Variants in RGS7 observed in about 807,000 individuals in gnomAD.
The protein encoded by RGS7 is regulator of G protein signaling 7.
RGS7 carries 27 observed loss-of-function variants against 81.1 expected under a neutral mutation model. That is an observed-to-expected ratio of 0.33 (90% confidence interval 0.25 to 0.46). RGS7 has a LOEUF of 0.46. Ranked by LOEUF, RGS7 falls within the 20% of genes least tolerant of loss-of-function variation. The pLI is 1.00. For missense variants in RGS7, 396 were observed against 607.4 expected, an observed-to-expected ratio of 0.65 and a Z score of 3.66; for synonymous variants, 208 against 207.7, an observed-to-expected ratio of 1.00 and a Z score of -0.01.
chr1:241,251,294 G>T (rs1050929920), intron 2 of RGS7, among the ~76,000 whole-genome samples: 5 of 152,050 alleles, frequency 3.3e-5, no homozygotes, highest in African/African-American at 1.2e-4. Context: ...AGACATGATT[G>T]CTCAGATGTC....
intron 2 of RGS7, among the ~76,000 whole-genome samples, chr1:241,180,480 A>C (rs2071525763): frequency 6.6e-6 from 1 of 152,210 alleles, no homozygotes; most frequent in African/African-American, 2.4e-5. Context: ...TCCTCAAAAT[A>C]AAAAATTATC....
chr1:241,105,625 A>C (rs2065044957), intron 2 of RGS7, among the ~76,000 whole-genome samples: 1 of 152,234 alleles, frequency 6.6e-6, no homozygotes, highest in South Asian at 2.1e-4. Context: ...CTAAACAATT[A>C]TGGGAGTTTA....
At chr1:240,968,389 A>G (rs764662160) in intron 4 of RGS7, among the ~76,000 whole-genome samples, 1 of 152,198 alleles carries the variant, frequency 6.6e-6, no homozygotes, top group Non-Finnish European at 1.5e-5. Context: ...CAATCTGAGC[A>G]TGTGCCTCCT....
intron 2 of RGS7, among the ~76,000 whole-genome samples, chr1:241,158,305 A>G (rs990432647): frequency 2.0e-5 from 3 of 152,214 alleles, no homozygotes; most frequent in Admixed American, 2.0e-4. Flanking sequence ...AGGATTATAC[A>G]ACACAATATC....
At chr1:241,021,974 A>C (rs1425663675) in intron 3 of RGS7, among the ~76,000 whole-genome samples, 1 of 152,174 alleles carries the variant, frequency 6.6e-6, no homozygotes, top group Non-Finnish European at 1.5e-5. Context: ...GAAGGTGACC[A>C]GTTGCCTCCT....
chr1:241,351,410 C>T (rs936182590), intron 2 of RGS7, among the ~76,000 whole-genome samples: 1 of 112,858 alleles, frequency 8.9e-6, no homozygotes, highest in Non-Finnish European at 1.8e-5. Flanking sequence ...CAGAGCAATA[C>T]CCTGACTTTA....
intron 2 of RGS7, among the ~76,000 whole-genome samples, chr1:241,142,621 A>G (rs2068014984): frequency 1.3e-5 from 2 of 152,240 alleles, no homozygotes; most frequent in Non-Finnish European, 2.9e-5. Flanking sequence ...GGCTGCAGAC[A>G]GCATGGGAAT....
intron 3 of RGS7, among the ~76,000 whole-genome samples, chr1:241,017,314 G>A (rs12756921): frequency 0.018 from 2,773 of 152,062 alleles, 33 homozygotes; most frequent in Middle Eastern, 0.031. Flanking sequence ...GGTGGCGCAC[G>A]CCTGTAATTC....
chr1:241,231,412 C>A (rs979793057), intron 2 of RGS7, among the ~76,000 whole-genome samples: 2 of 152,148 alleles, frequency 1.3e-5, no homozygotes, highest in African/African-American at 4.8e-5. Flanking sequence ...GTGGTAAGAT[C>A]ACATTTTGAT....
chr1:241,007,014 T>C (rs547379097), intron 3 of RGS7, among the ~76,000 whole-genome samples: 2 of 152,280 alleles, frequency 1.3e-5, no homozygotes, highest in East Asian at 3.9e-4. Context: ...TTTCCTGGGA[T>C]CAAGCGATTC....
At chr1:240,888,978 C>T (rs1018352153) in intron 6 of RGS7, among the ~76,000 whole-genome samples, 2 of 152,010 alleles carry the variant, frequency 1.3e-5, no homozygotes, top group Admixed American at 6.6e-5. Flanking sequence ...GTTTTTGAGA[C>T]GGAGTCCCAC....
In RGS7 at chr1:240,840,564, C is replaced by T. The variant is rs949742171; in HGVS notation, c.610-13392G>A. Among the ~76,000 whole-genome samples the T allele has an allele frequency of 5.9e-5, 9 of 152,334 alleles. 1 individual carries two copies. Among genetic ancestry groups the T allele is most frequent in the Middle Eastern group, 6.8e-3 (2 of 294 alleles). ...CTGGGATTTCAGGCGTGACCCACTG[C>T]GCCCGGCCTCACTGGCCTTCTTTGT... is the stretch of plus-strand genomic sequence containing the variant. On this transcript the variant is annotated intron_variant, in intron 9 of 18. Transcript: ENST00000440928.
At position 240,784,165 on chromosome 1, in the gene RGS7, C is replaced by T. The variant is rs541797705; in HGVS notation, c.*7-7952G>A. 3.3e-5 allele frequency among the ~76,000 whole-genome samples: 5 copies of T among 150,566 alleles called. 1 individual carries two copies. The South Asian group carries it at 1.1e-3, about 32-fold the overall frequency. ...TTGTGCCATTGCACTGCAGCCTGGG[C>T]TACAAAAGCGAAACTCTGTCTCGAA... On this transcript the variant is annotated intron_variant, in intron 18 of 18. Transcript: ENST00000440928.
chr1:241,191,375 CCT>C (rs1491180739), intron 2 of RGS7, among the ~76,000 whole-genome samples: 11 of 152,034 alleles, frequency 7.2e-5, no homozygotes, highest in African/African-American at 2.7e-4. Flanking sequence ...ATCATGTGAG[CCT>C]TTTTTTCTTT....
At chr1:241,073,767 A>G (rs1323397514) in intron 3 of RGS7, among the ~76,000 whole-genome samples, 2 of 152,198 alleles carry the variant, frequency 1.3e-5, no homozygotes, top group African/African-American at 4.8e-5. Flanking sequence ...CTGTGGAATT[A>G]ATTCACCTTT....
chr1:240,894,343 A>C (rs974430719), intron 6 of RGS7, among the ~76,000 whole-genome samples: 3 of 152,098 alleles, frequency 2.0e-5, no homozygotes, highest in Non-Finnish European at 2.9e-5. Context: ...GTCCTTGTTC[A>C]GTTCTAAAAA....
At chr1:241,353,137 T>C (rs990463411) in intron 2 of RGS7, among the ~76,000 whole-genome samples, 1 of 152,216 alleles carries the variant, frequency 6.6e-6, no homozygotes, top group Non-Finnish European at 1.5e-5. Context: ...GGAACTGAAC[T>C]TTTTTTCTAA....
intron 4 of RGS7, among the ~76,000 whole-genome samples, chr1:240,961,379 AT>A (rs1227652947): frequency 1.3e-5 from 2 of 152,170 alleles, no homozygotes; most frequent in Non-Finnish European, 2.9e-5. Context: ...CAGTTTGTAC[AT>A]ATGGATGAAT....
chr1:240,982,296 C>A (rs898285931), intron 4 of RGS7, among the ~76,000 whole-genome samples: 1 of 151,856 alleles, frequency 6.6e-6, no homozygotes, highest in African/African-American at 2.4e-5. Context: ...GTGGCACGCG[C>A]CCATAATCCC....
Sources: allele counts gnomAD v4.1 joint callset (sites outside exome capture counted in the v4.1 genomes callset), GRCh38; gene constraint gnomAD v4.1.1; transcripts MANE v1.5; gene names NCBI Gene and HGNC (gene_info 2026-07-23, HGNC 2026-07-21).